Variants in ZNF536 observed in about 807,000 individuals in gnomAD.
ZNF536 encodes zinc finger protein 536.
ZNF536 carries 13 observed loss-of-function variants against 84.5 expected under a neutral mutation model. That is an observed-to-expected ratio of 0.15 (90% CI 0.10 to 0.24). The LOEUF (loss-of-function observed/expected upper bound fraction) is 0.24. Ranked by LOEUF, ZNF536 falls within the 10% of genes least tolerant of loss-of-function variation. The pLI is 1.00. For synonymous variants in ZNF536, 811 were observed against 742.5 expected (o/e 1.09, Z -1.50); for missense variants, 1,536 against 1,747.5 (o/e 0.88, Z 2.16).
intron 1 of ZNF536, among the ~76,000 whole-genome samples, chr19:30,440,009 G>A (rs561446938): frequency 7.5e-6 from 1 of 132,740 alleles, no homozygotes; most frequent in East Asian, 2.2e-4. Flanking sequence ...TGCCCAGGCT[G>A]GAGTGCAATG....
intron 1 of ZNF536, among the ~76,000 whole-genome samples, chr19:30,393,893 A>G (rs902591400): frequency 6.6e-6 from 1 of 152,214 alleles, no homozygotes; most frequent in African/African-American, 2.4e-5. Flanking sequence ...TGTGGGCAGA[A>G]TGGAAGCCTG....
At chr19:30,349,475 A>G (rs570644162) in intron 2 of ZNF536, among the ~76,000 whole-genome samples, 1 of 152,302 alleles carries the variant, frequency 6.6e-6, no homozygotes, top group Non-Finnish European at 1.5e-5. Context: ...CCCCACTCCA[A>G]GAAGCCAAGC....
intron 1 of ZNF536, among the ~76,000 whole-genome samples, chr19:30,697,799 C>CTG (rs1296525981): frequency 6.6e-6 from 1 of 152,176 alleles, no homozygotes; most frequent in African/African-American, 2.4e-5. Flanking sequence ...GCCCAGCAGA[C>CTG]TGTGTGTGTG....
chr19:30,253,764 C>CA (rs1251006420), intron 1 of ZNF536, among the ~76,000 whole-genome samples: 2 of 152,000 alleles, frequency 1.3e-5, no homozygotes, highest in East Asian at 1.9e-4. Flanking sequence ...TCAGGTGAGT[C>CA]ACGGCTGCGC....
intron 1 of ZNF536, among the ~76,000 whole-genome samples, chr19:30,614,093 C>T (rs1040664910): frequency 3.2e-4 from 48 of 152,198 alleles, no homozygotes; most frequent in African/African-American, 1.1e-3. Flanking sequence ...GAACTCCTGA[C>T]CTCCAGTAAT....
downstream of ZNF536, among the ~76,000 whole-genome samples, chr19:30,561,089 T>C (rs758226911): frequency 9.9e-5 from 15 of 152,226 alleles, no homozygotes; most frequent in Non-Finnish European, 1.8e-4. Context: ...CAAGGTTAAG[T>C]TTTCTTTTTG....
At chr19:30,458,475 G>T (rs2004788) in intron 2 of ZNF536, among the ~76,000 whole-genome samples, 10,142 of 74,548 alleles carry the variant, frequency 0.14, 478 homozygotes, top group Admixed American at 0.23. Flanking sequence ...TTTTTTGACC[G>T]AGTTTCACTC....
At chr19:30,391,352 C>T (rs1036826649) in intron 1 of ZNF536, among the ~76,000 whole-genome samples, 2 of 152,056 alleles carry the variant, frequency 1.3e-5, no homozygotes, top group African/African-American at 4.8e-5. Flanking sequence ...CGAGGTGGGT[C>T]GATCATCTGA....
chr19:30,448,867 A>G (rs1240192063), intron 2 of ZNF536, among the ~76,000 whole-genome samples: 1 of 152,194 alleles, frequency 6.6e-6, no homozygotes, highest in Non-Finnish European at 1.5e-5. Flanking sequence ...GAGATGAAGA[A>G]GGGGTCAAGT....
At chr19:30,662,009 C>T (rs775950123) in intron 1 of ZNF536, among the ~76,000 whole-genome samples, 4 of 152,138 alleles carry the variant, frequency 2.6e-5, no homozygotes, top group South Asian at 2.1e-4. Flanking sequence ...CATCCCCTGA[C>T]GACCTTGAAA....
intron 2 of ZNF536, among the ~76,000 whole-genome samples, chr19:30,305,003 C>T (rs1000535261): frequency 6.6e-6 from 1 of 152,212 alleles, no homozygotes; most frequent in African/African-American, 2.4e-5. Context: ...CTCATTTGCT[C>T]CTCTGAAGTT....
intron 2 of ZNF536, among the ~76,000 whole-genome samples, chr19:30,296,910 T>C (rs1267936215): frequency 6.6e-6 from 1 of 152,130 alleles, no homozygotes; most frequent in Non-Finnish European, 1.5e-5. Context: ...TTCATGGGAC[T>C]TGGGCCTCGC....
intron 1 of ZNF536, among the ~76,000 whole-genome samples, chr19:30,666,668 G>T (rs1049581043): frequency 6.6e-6 from 1 of 151,850 alleles, no homozygotes; most frequent in Non-Finnish European, 1.5e-5. Context: ...TGGAAACCTC[G>T]CGGATCTAGT....
chr19:30,270,130 C>A (rs1568291620), intron 1 of ZNF536, among the ~76,000 whole-genome samples: 1 of 152,208 alleles, frequency 6.6e-6, no homozygotes, highest in African/African-American at 2.4e-5. Context: ...TGTCGCAGGG[C>A]CTATGTGTTT....
intron 1 of ZNF536, among the ~76,000 whole-genome samples, chr19:30,641,508 A>G (rs2147340168): frequency 6.6e-6 from 1 of 152,338 alleles, no homozygotes. Context: ...CTACACTAAA[A>G]TATCATTATA....
At chr19:30,628,867 G>A (rs2048787574) in intron 1 of ZNF536, among the ~76,000 whole-genome samples, 1 of 152,106 alleles carries the variant, frequency 6.6e-6, no homozygotes. Flanking sequence ...ACCATGCCTG[G>A]CTAATTGTTG....
chr19:30,675,060 G>A (rs563892300), intron 1 of ZNF536, among the ~76,000 whole-genome samples: 15 of 152,234 alleles, frequency 9.9e-5, no homozygotes, highest in African/African-American at 3.6e-4. Context: ...AGTGCTCCAC[G>A]AGGCTCAGTT....
intron 2 of ZNF536, among the ~76,000 whole-genome samples, chr19:30,523,429 A>AT (rs1005044723): frequency 1.3e-5 from 2 of 152,112 alleles, no homozygotes; most frequent in African/African-American, 4.8e-5. Context: ...AGGTTATGTA[A>AT]TTTGCCCAGG....
At chr19:30,652,641 A>C (rs532820629) in intron 1 of ZNF536, among the ~76,000 whole-genome samples, 13 of 152,274 alleles carry the variant, frequency 8.5e-5, no homozygotes, top group African/African-American at 2.4e-4. Flanking sequence ...ACTCACCAGG[A>C]AACTTTTCCC....
Sources: gnomAD v4.1 joint callset for allele counts (sites outside exome capture counted in the v4.1 genomes callset) on GRCh38, gnomAD v4.1.1 for gene constraint, MANE v1.5 for transcripts, NCBI Gene and HGNC (gene_info 2026-07-23, HGNC 2026-07-21) for gene names.